Variants in PDE5A observed in about 807,000 individuals in gnomAD.
The protein encoded by PDE5A is phosphodiesterase 5A, also known as cGMP-specific 3',5'-cyclic phosphodiesterase.
A neutral mutation model predicts 110.2 loss-of-function variants in PDE5A; 67 were observed. The ratio of observed to expected loss-of-function variants is 0.61; its 90% confidence interval spans 0.50 to 0.75. PDE5A has a LOEUF of 0.75. PDE5A is among the 30% of genes least tolerant of loss of function. The probability of loss-of-function intolerance (pLI) is 0.00; values close to 1 mark genes in which losing one functional copy is unlikely to be tolerated. For synonymous variants in PDE5A, 328 were observed against 351.2 expected (o/e 0.93, Z 0.74); for missense variants, 862 against 1,045.1 (o/e 0.82, Z 2.42).
At chr4:119,565,905 G>T (rs1727913056) in intron 4 of PDE5A, among the ~76,000 whole-genome samples, 1 of 149,056 alleles carries the variant, frequency 6.7e-6, no homozygotes, top group Non-Finnish European at 1.5e-5. Context: ...ACTATACTAG[G>T]GTAATGTGTT....
chr4:119,509,797 T>C (rs28380652), intron 15 of PDE5A, among the ~76,000 whole-genome samples: 2,286 of 151,846 alleles, frequency 0.015, 59 homozygotes, highest in African/African-American at 0.052. Context: ...GACACTGAGG[T>C]GTTGAGGGAG....
chr4:119,580,327 TAC>T (rs760399976), intron 3 of PDE5A, among the ~76,000 whole-genome samples: 5 of 152,206 alleles, frequency 3.3e-5, no homozygotes, highest in Admixed American at 6.5e-5. Flanking sequence ...TCCCTTGAGA[TAC>T]AGAGATTCTG....
intron 7 of PDE5A, among the ~76,000 whole-genome samples, chr4:119,556,307 C>T (rs1230789888): frequency 6.6e-6 from 1 of 152,168 alleles, no homozygotes; most frequent in Non-Finnish European, 1.5e-5. Context: ...TCCTAAGAGA[C>T]AGGTGATACA....
At position 119,627,294 on chromosome 4, in the gene PDE5A, T is replaced by C. The variant is rs1730388389; in HGVS notation, c.152+1226A>G. ...GGTCGGCGACTCAGAACCAGCTCCC[T>C]CACGGCCCCGGCCTCCGCGCCGCCG... On this transcript the variant is annotated intron_variant, in intron 1 of 20. Coordinates refer to ENST00000354960, the MANE Select transcript of PDE5A (RefSeq NM_001083.4). The surrounding 1 kb of genome is among the most constrained non-coding windows in gnomAD (Gnocchi z 4.6). 6.9e-7 allele frequency: 1 copy of C among 1,440,308 alleles called. No homozygotes were observed. The highest frequency in any genetic ancestry group is 9.2e-7 in the Non-Finnish European group (1 of 1,084,586). The allele number at this position is 1,440,308 out of a possible 1,614,324, so 89.2% of individuals were successfully genotyped here. A position where few individuals can be genotyped will look rare whatever the true frequency, so the allele number is the denominator to read the frequency against.
rs750311708 is a variant in PDE5A, at chr4:119,525,559, A to C, written c.1769T>G (p.Met590Arg). ...TTGCTGCATTCCTACCTCATGTTTC[A>C]TCTGGAAGTTCTGCACAAGGTTGAG... ...TDLNLVQNFQ[M>R]KHEVLCRWIL... The change falls in exon 12 of 21, where the codon ATG (methionine) becomes AGG (arginine). Residue 590 changes from methionine to arginine, a missense_variant. Transcript: ENST00000354960. This position sits in a 1 kb window ranked among gnomAD's most constrained non-coding sequence, Gnocchi z 4.3. The C allele has an allele frequency of 6.2e-7, 1 of 1,612,898 alleles. No individual in the cohort carries two copies. Among genetic ancestry groups the C allele is most frequent in the South Asian group, 1.1e-5 (1 of 91,026 alleles).
rs1727898941 is a variant in PDE5A at position 119,565,485 on chromosome 4, C to G, written c.904-75G>C. 62 of 926,394 alleles carry G rather than the reference C, an allele frequency of 6.7e-5. 2 individuals carry two copies. In the South Asian group the frequency reaches 8.7e-4, roughly 13 times the overall value. The allele number at this position is 926,394 out of a possible 1,614,324, so 57.4% of individuals were successfully genotyped here. On this transcript the variant is annotated intron_variant, in intron 4 of 20. Transcript: ENST00000354960. The stretch of plus-strand genomic sequence containing the variant: ...TTACATTGCCTGAAATACAGATCCT[C>G]AAATATTTACAGTTAGAAAGCCAAA...
At chr4:119,559,677 A>T (rs1415577815) in intron 7 of PDE5A, among the ~76,000 whole-genome samples, 1 of 152,226 alleles carries the variant, frequency 6.6e-6, no homozygotes, top group Non-Finnish European at 1.5e-5. Context: ...AGGATTCAAT[A>T]CTAACTAAAA....
chr4:119,607,400 T>C (rs574884054), intron 1 of PDE5A, 103 bp from the exon 2 acceptor site: 3 of 701,350 alleles, frequency 4.3e-6, no homozygotes, highest in Non-Finnish European at 7.0e-6. Context: ...GAGATAATAA[T>C]TTGATATGTT....
At chr4:119,559,477 G>T (rs1727666718) in intron 7 of PDE5A, among the ~76,000 whole-genome samples, 1 of 152,036 alleles carries the variant, frequency 6.6e-6, no homozygotes, top group African/African-American at 2.4e-5. Context: ...TATAAACAGA[G>T]ATGCCTATAT....
intron 20 of PDE5A, among the ~76,000 whole-genome samples, chr4:119,499,217 ATATT>A (rs1725201813): frequency 6.6e-6 from 1 of 152,194 alleles, no homozygotes; most frequent in African/African-American, 2.4e-5. Flanking sequence ...AGTGCCATAA[ATATT>A]TAGCCACCAG....
intron 1 of PDE5A, among the ~76,000 whole-genome samples, chr4:119,618,351 T>G (rs1005195668): frequency 1.3e-5 from 2 of 152,158 alleles, no homozygotes; most frequent in Non-Finnish European, 2.9e-5. Flanking sequence ...TACAGCAGAA[T>G]AAGTAGATGT....
chr4:119,538,241 A>G lies in PDE5A; in HGVS notation c.1632+719T>C, dbSNP rs74874081. On this transcript the variant is annotated intron_variant, in intron 11 of 20. Coordinates refer to ENST00000354960, the MANE Select transcript of PDE5A (RefSeq NM_001083.4). Reference sequence around the variant, plus strand: ...GGCACAAAGAGTTTAGCATGTGGCAAACTATGATGAGGATGACAGAAAAAG... The same window carrying G: ...GGCACAAAGAGTTTAGCATGTGGCAGACTATGATGAGGATGACAGAAAAAG... Among the ~76,000 whole-genome samples the G allele has an allele frequency of 8.2e-3, 1,242 of 152,236 alleles. 12 individuals carry two copies. The highest frequency in any genetic ancestry group is 0.029 in the African/African-American group (1,186 of 41,546).
At chr4:119,541,349 ATGTGTATC>A (rs1252742440) in intron 10 of PDE5A, among the ~76,000 whole-genome samples, 2 of 151,510 alleles carry the variant, frequency 1.3e-5, no homozygotes, top group African/African-American at 4.8e-5. Flanking sequence ...ATATGTATAT[ATGTGTATC>A]TGTATATTTA....
rs1232238148 is a variant in PDE5A, at chr4:119,495,605, G to C, written c.*2996C>G. ...GCTAGGCAAGAATATATCTGTGACT[G>C]AACAGTTTTCTCCAAGAATCCAATA... On this transcript the variant is annotated 3_prime_UTR_variant, in exon 21 of 21. Transcript: ENST00000354960. 3.3e-5 allele frequency: 5 copies of C among 152,578 alleles called. No individual in the cohort carries two copies. Among genetic ancestry groups the C allele is most frequent in the South Asian group, 4.1e-4 (2 of 4,826 alleles). The allele number at this position is 152,578 out of a possible 1,614,324, so 9.5% of individuals were successfully genotyped here.
chr4:119,606,663 A>G (rs1038961408), intron 2 of PDE5A, 46 bp downstream of exon 2: 1 of 1,408,460 alleles, frequency 7.1e-7, no homozygotes, highest in South Asian at 1.2e-5. Flanking sequence ...CCCCAGCCAT[A>G]GTCCCCTCCC....
chr4:119,600,660 TAA>T (rs1729313588), intron 2 of PDE5A, among the ~76,000 whole-genome samples: 1 of 151,994 alleles, frequency 6.6e-6, no homozygotes, highest in Non-Finnish European at 1.5e-5. Context: ...ATAAAGATAA[TAA>T]GAGAACATAA....
chr4:119,609,561 T>G (rs913282962), intron 1 of PDE5A, among the ~76,000 whole-genome samples: 30 of 152,308 alleles, frequency 2.0e-4, no homozygotes, highest in African/African-American at 7.0e-4. Context: ...TTGTTAAATA[T>G]ACATTACTCT....
At chr4:119,568,928 A>C (rs1327738010) in intron 3 of PDE5A, among the ~76,000 whole-genome samples, 2 of 152,176 alleles carry the variant, frequency 1.3e-5, no homozygotes, top group Admixed American at 1.3e-4. Context: ...AAGAAGACAA[A>C]AAATCAGCTG....
At chr4:119,515,039 G>A (rs1211135956) in intron 14 of PDE5A, among the ~76,000 whole-genome samples, 1 of 152,098 alleles carries the variant, frequency 6.6e-6, no homozygotes, top group African/African-American at 2.4e-5. Context: ...AGGACTAAAT[G>A]AACTAATATA....
Sources: gnomAD v4.1 joint callset for allele counts (sites outside exome capture counted in the v4.1 genomes callset) on GRCh38, gnomAD v4.1.1 for gene constraint, Gnocchi (gnomAD v3.1) non-coding constraint, MANE v1.5 for transcripts, NCBI Gene and HGNC (gene_info 2026-07-23, HGNC 2026-07-21) for gene names.